Variants in WWOX observed in about 807,000 individuals in gnomAD.
WWOX encodes the protein WW domain containing oxidoreductase.
A neutral mutation model predicts 46.2 loss-of-function variants in WWOX; 69 were observed. The ratio of observed to expected loss-of-function variants is 1.49; its 90% CI spans 1.23 to 1.82. The LOEUF (loss-of-function observed/expected upper bound fraction) is 1.82, where lower values mean the gene tolerates loss of function less well. Ranked by LOEUF, WWOX falls within the 40% of genes most tolerant of loss-of-function variation. The probability of loss-of-function intolerance (pLI) is 0.00; values close to 1 mark genes in which losing one functional copy is unlikely to be tolerated. For synonymous variants in WWOX, 359 were observed against 202.6 expected (o/e 1.77, Z -6.56); for missense variants, 919 against 542.6 (o/e 1.69, Z -6.89).
chr16:78,839,235 C>A (rs570849270), intron 8 of WWOX, among the ~76,000 whole-genome samples: 1 of 152,262 alleles, frequency 6.6e-6, no homozygotes, highest in South Asian at 2.1e-4. Flanking sequence ...GAGTCACCTG[C>A]TCTATTTTGA....
chr16:78,970,460 T>C (rs1395015294), intron 8 of WWOX, among the ~76,000 whole-genome samples: 1 of 152,182 alleles, frequency 6.6e-6, no homozygotes, highest in Non-Finnish European at 1.5e-5. Flanking sequence ...GATCACAGTT[T>C]ATTTGGGGAA....
At chr16:78,340,760 C>G (rs2080998377) in intron 5 of WWOX, among the ~76,000 whole-genome samples, 1 of 117,976 alleles carries the variant, frequency 8.5e-6, no homozygotes, top group African/African-American at 2.9e-5. Flanking sequence ...AGGTGTAGCT[C>G]TGACTGCTAG....
chr16:78,731,826 G>A (rs1311421762), intron 8 of WWOX, among the ~76,000 whole-genome samples: 1 of 148,804 alleles, frequency 6.7e-6, no homozygotes, highest in African/African-American at 2.5e-5. Context: ...ACTCCCCAAT[G>A]CCAATTTTTT....
At chr16:78,529,285 A>T (rs1260636882) in intron 8 of WWOX, among the ~76,000 whole-genome samples, 1 of 152,100 alleles carries the variant, frequency 6.6e-6, no homozygotes, top group African/African-American at 2.4e-5. Context: ...ATTTTAATTA[A>T]AAACAGTCCT....
intron 5 of WWOX, among the ~76,000 whole-genome samples, chr16:78,350,765 C>T (rs1488037585): frequency 8.3e-6 from 1 of 120,964 alleles, no homozygotes; most frequent in Non-Finnish European, 2.0e-5. Flanking sequence ...GTACACTTGT[C>T]TACACATTTT....
chr16:78,871,148 G>A (rs2044119279), intron 8 of WWOX, among the ~76,000 whole-genome samples: 1 of 148,720 alleles, frequency 6.7e-6, no homozygotes, highest in South Asian at 2.1e-4. Flanking sequence ...ATTGAATATA[G>A]TAATTCCCAA....
At chr16:78,934,832 G>T (rs890297792) in intron 8 of WWOX, among the ~76,000 whole-genome samples, 5 of 152,176 alleles carry the variant, frequency 3.3e-5, no homozygotes, top group African/African-American at 1.2e-4. Flanking sequence ...GGGCATGGTG[G>T]CTCGCATCTA....
chr16:78,603,170 C>G (rs945350424), intron 8 of WWOX, among the ~76,000 whole-genome samples: 1 of 152,196 alleles, frequency 6.6e-6, no homozygotes, highest in Non-Finnish European at 1.5e-5. Flanking sequence ...TTATGCACAT[C>G]ATCTTCTAAC....
chr16:78,443,176 G>A (rs1478792612), intron 8 of WWOX, among the ~76,000 whole-genome samples: 3 of 144,956 alleles, frequency 2.1e-5, no homozygotes, highest in African/African-American at 5.3e-5. Context: ...GTGGTGACTC[G>A]TGTCTATTGT....
At chr16:78,991,722 C>A (rs1184420904) in intron 8 of WWOX, among the ~76,000 whole-genome samples, 1 of 151,992 alleles carries the variant, frequency 6.6e-6, no homozygotes, top group Non-Finnish European at 1.5e-5. Context: ...AGGTTAACCC[C>A]TCCTCGTGGT....
chr16:78,648,292 G>C (rs1010606855), intron 8 of WWOX, among the ~76,000 whole-genome samples: 40 of 152,204 alleles, frequency 2.6e-4, no homozygotes, highest in Non-Finnish European at 5.6e-4. Context: ...GGCCCTCTGA[G>C]AATGCGAGGC....
chr16:78,996,577 G>C (rs2046994508), intron 8 of WWOX, among the ~76,000 whole-genome samples: 1 of 152,068 alleles, frequency 6.6e-6, no homozygotes, highest in Non-Finnish European at 1.5e-5. Context: ...AAATTACAGT[G>C]AGAGATGGTG....
At chr16:78,661,598 T>C (rs1169979583) in intron 8 of WWOX, among the ~76,000 whole-genome samples, 1 of 144,694 alleles carries the variant, frequency 6.9e-6, no homozygotes, top group African/African-American at 2.6e-5. Flanking sequence ...AGGATTGTGT[T>C]GACAGCCCTG....
At chr16:78,367,456 A>C (rs1045265008) in intron 5 of WWOX, among the ~76,000 whole-genome samples, 1 of 152,112 alleles carries the variant, frequency 6.6e-6, no homozygotes. Flanking sequence ...TTAGTGTATT[A>C]ATATTTTATG....
intron 8 of WWOX, among the ~76,000 whole-genome samples, chr16:79,054,451 C>G (rs1036315778): frequency 1.8e-4 from 28 of 152,176 alleles, no homozygotes; most frequent in African/African-American, 6.3e-4. Context: ...AGGGAGAAGT[C>G]TTTCCAAAAT....
At chr16:78,593,394 C>T (rs2045397775) in intron 8 of WWOX, among the ~76,000 whole-genome samples, 1 of 152,110 alleles carries the variant, frequency 6.6e-6, no homozygotes, top group Non-Finnish European at 1.5e-5. Flanking sequence ...CCAGCATTTT[C>T]CCCCATCACC....
intron 5 of WWOX, among the ~76,000 whole-genome samples, chr16:78,210,509 A>T (rs1474114624): frequency 6.6e-6 from 1 of 150,770 alleles, no homozygotes; most frequent in Non-Finnish European, 1.5e-5. Context: ...ACAGACACAC[A>T]CTCTCTCTCT....
chr16:78,169,149 G>A (rs2035066968), intron 5 of WWOX, among the ~76,000 whole-genome samples: 1 of 152,190 alleles, frequency 6.6e-6, no homozygotes, highest in Non-Finnish European at 1.5e-5. Context: ...ACATCCTTAT[G>A]TGAATTATAC....
In WWOX at chr16:78,342,084, C is replaced by G. The variant is rs562710543; in HGVS notation, c.517-44776C>G. ...TGAGCTGCAATTGTGCCACTGCACT[C>G]TAATTTAGGCAGCAGAATGAGACTA... is the stretch of plus-strand genomic sequence containing the variant. On this transcript the variant is annotated intron_variant, in intron 5 of 8. Transcript: ENST00000566780. 2.5e-5 allele frequency among the ~76,000 whole-genome samples: 3 copies of G among 120,960 alleles called. 1 individual carries two copies. The highest frequency in any genetic ancestry group is 2.0e-5 in the Non-Finnish European group (1 of 50,720). The allele number at this position is 120,960 out of a possible 152,430, so 79.4% of individuals were successfully genotyped here. A position where few individuals can be genotyped will look rare whatever the true frequency, so the allele number is the denominator to read the frequency against.
Sources: gnomAD v4.1 joint callset for allele counts (sites outside exome capture counted in the v4.1 genomes callset) on GRCh38, gnomAD v4.1.1 for gene constraint, MANE v1.5 for transcripts, NCBI Gene and HGNC (gene_info 2026-07-23, HGNC 2026-07-21) for gene names.